Variants in EFNA5 observed in about 807,000 individuals in gnomAD.
The protein encoded by EFNA5 is ephrin-A5.
Under a neutral mutation model 22.9 loss-of-function variants are expected in EFNA5, and 5 were observed. The observed-to-expected ratio is 0.22, with a 90% CI of 0.11 to 0.46. EFNA5 has a LOEUF of 0.46. EFNA5 is among the 20% of genes least tolerant of loss of function. The pLI is 0.99. For missense variants in EFNA5, 237 were observed against 293.3 expected, an observed-to-expected ratio of 0.81 and a Z score of 1.40; for synonymous variants, 113 against 112.2, an observed-to-expected ratio of 1.01 and a Z score of -0.04.
chr5:107,632,211 T>C (rs1750269811), intron 1 of EFNA5, among the ~76,000 whole-genome samples: 1 of 152,186 alleles, frequency 6.6e-6, no homozygotes, highest in Non-Finnish European at 1.5e-5. Flanking sequence ...TATCTCACTA[T>C]TCTTACTTCA....
chr5:107,557,545 G>A (rs1748449982), intron 1 of EFNA5, among the ~76,000 whole-genome samples: 2 of 152,206 alleles, frequency 1.3e-5, no homozygotes, highest in African/African-American at 4.8e-5. Flanking sequence ...TCTAAACAAT[G>A]ACATTTGTCA....
At chr5:107,523,118 T>C (rs1665816012) in intron 1 of EFNA5, among the ~76,000 whole-genome samples, 1 of 152,232 alleles carries the variant, frequency 6.6e-6, no homozygotes, top group African/African-American at 2.4e-5. Context: ...TAACCAACTA[T>C]GGCCAATCTT....
chr5:107,546,046 G>A (rs1050326959), intron 1 of EFNA5, among the ~76,000 whole-genome samples: 9 of 152,070 alleles, frequency 5.9e-5, no homozygotes, highest in Admixed American at 1.3e-4. Context: ...GGAAAAATGG[G>A]GTTTCAGTGG....
chr5:107,616,239 A>C (rs1749910584), intron 1 of EFNA5, among the ~76,000 whole-genome samples: 1 of 152,228 alleles, frequency 6.6e-6, no homozygotes, highest in Admixed American at 6.5e-5. Flanking sequence ...TTCATGGTCA[A>C]GTGTGCTAAT....
intron 1 of EFNA5, among the ~76,000 whole-genome samples, chr5:107,668,943 CTT>C (rs1362498311): frequency 6.6e-6 from 1 of 152,140 alleles, no homozygotes; most frequent in Non-Finnish European, 1.5e-5. Flanking sequence ...CCAGGAGACT[CTT>C]GTTTTTTGAA....
intron 1 of EFNA5, among the ~76,000 whole-genome samples, chr5:107,600,116 A>G (rs1305133739): frequency 2.0e-5 from 3 of 152,208 alleles, no homozygotes; most frequent in Non-Finnish European, 1.5e-5. Flanking sequence ...GATCAGTGCC[A>G]TTTTGGGTTA....
At chr5:107,628,055 T>C (rs1750177497) in intron 1 of EFNA5, among the ~76,000 whole-genome samples, 1 of 152,208 alleles carries the variant, frequency 6.6e-6, no homozygotes, top group South Asian at 2.1e-4. Context: ...CCATGTACAG[T>C]ACTAAGCACT....
intron 2 of EFNA5, among the ~76,000 whole-genome samples, chr5:107,393,803 A>G (rs1747848382): frequency 6.6e-6 from 1 of 152,222 alleles, no homozygotes; most frequent in African/African-American, 2.4e-5. Flanking sequence ...TAAATGCTGA[A>G]AGAGTAAAGC....
intron 1 of EFNA5, among the ~76,000 whole-genome samples, chr5:107,494,922 T>G (rs1234660605): frequency 6.6e-6 from 1 of 152,032 alleles, no homozygotes; most frequent in Non-Finnish European, 1.5e-5. Flanking sequence ...TGGAGAACCT[T>G]TGTGTCTAGC....
intron 1 of EFNA5, among the ~76,000 whole-genome samples, chr5:107,463,037 T>A (rs1749874314): frequency 6.6e-6 from 1 of 152,132 alleles, no homozygotes; most frequent in Non-Finnish European, 1.5e-5. Flanking sequence ...GGGTTCAGTT[T>A]CCTCATCTAT....
intron 1 of EFNA5, among the ~76,000 whole-genome samples, chr5:107,585,976 G>A (rs1008445968): frequency 1.3e-5 from 2 of 152,164 alleles, no homozygotes; most frequent in African/African-American, 4.8e-5. Context: ...AGACTACTAT[G>A]AAAAGCAGAT....
intron 1 of EFNA5, among the ~76,000 whole-genome samples, chr5:107,519,674 A>G (rs565889556): frequency 6.6e-6 from 1 of 152,380 alleles, no homozygotes; most frequent in East Asian, 1.9e-4. Context: ...GAAAGCACAC[A>G]CTGCAGAAAA....
intron 1 of EFNA5, among the ~76,000 whole-genome samples, chr5:107,569,573 A>T (rs1197708): frequency 0.37 from 12,896 of 34,498 alleles, 2,323 homozygotes; most frequent in African/African-American, 0.6. Context: ...ATATATATAT[A>T]TATATATATA....
chr5:107,430,700 TG>T (rs942593035), intron 1 of EFNA5, among the ~76,000 whole-genome samples: 7 of 152,064 alleles, frequency 4.6e-5, no homozygotes, highest in Admixed American at 3.9e-4. Context: ...TTATTTTGCA[TG>T]GAGTGTTAAG....
At chr5:107,447,767 T>A (rs1219737008) in intron 1 of EFNA5, among the ~76,000 whole-genome samples, 2 of 151,908 alleles carry the variant, frequency 1.3e-5, no homozygotes, top group Admixed American at 6.6e-5. Context: ...TGACAGCAAA[T>A]GAGACCACCA....
At chr5:107,493,007 A>G (rs1395276924) in intron 1 of EFNA5, among the ~76,000 whole-genome samples, 1 of 151,146 alleles carries the variant, frequency 6.6e-6, no homozygotes, top group African/African-American at 2.4e-5. Context: ...AAAAAAAAAA[A>G]TACATCTTTA....
chr5:107,531,424 C>G lies in EFNA5; in HGVS notation c.126-103915G>C, dbSNP rs543215909. 6.6e-5 allele frequency among the ~76,000 whole-genome samples: 10 copies of G among 152,278 alleles called. 1 individual carries two copies. Among genetic ancestry groups the G allele is most frequent in the African/African-American group, 2.4e-4 (10 of 41,546 alleles). On this transcript the variant is annotated intron_variant, in intron 1 of 4. Coordinates refer to ENST00000333274, the MANE Select transcript of EFNA5 (RefSeq NM_001962.3). ...GACGGTGAGGCTGCCGAAGGCAGGA[C>G]AGATGAGGAATGCCTAAAAAAACTG...
intron 1 of EFNA5, among the ~76,000 whole-genome samples, chr5:107,660,239 G>C (rs1750916735): frequency 8.2e-6 from 1 of 121,756 alleles, no homozygotes; most frequent in Non-Finnish European, 1.7e-5. Context: ...GAAAAAGACT[G>C]GAACCTCTGA....
rs573806574 is a variant in EFNA5 at position 107,595,983 on chromosome 5, A to AT, written c.125+74505dup. Among the ~76,000 whole-genome samples the AT allele has an allele frequency of 1.2e-3, 181 of 152,282 alleles. 2 individuals are homozygous for AT. The highest frequency in any genetic ancestry group is 0.01 in the Middle Eastern group (3 of 294). ...AGGCTTACATTTACTCCAAATATTTATTTTTTTAATTGCCTCAGAAAAAAA... is the reference window on the plus strand; with the variant it reads ...AGGCTTACATTTACTCCAAATATTTATTTTTTTTAATTGCCTCAGAAAAAAA... On this transcript the variant is annotated intron_variant, in intron 1 of 4. Coordinates refer to ENST00000333274, the MANE Select transcript of EFNA5 (RefSeq NM_001962.3).
Sources: gnomAD v4.1 joint callset for allele counts (sites outside exome capture counted in the v4.1 genomes callset) on GRCh38, gnomAD v4.1.1 for gene constraint, MANE v1.5 for transcripts, NCBI Gene and HGNC (gene_info 2026-07-23, HGNC 2026-07-21) for gene names.